The following KIRREL3 variants were observed in gnomAD, a reference collection of about 807,000 sequenced individuals.
The protein encoded by KIRREL3 is kin of IRRE-like protein 3.
KIRREL3 carries 36 observed loss-of-function variants against 89.7 expected under a neutral mutation model. That is an observed-to-expected ratio of 0.40 (90% CI 0.31 to 0.53). The LOEUF is 0.53. Ranked by LOEUF, KIRREL3 falls within the 20% of genes least tolerant of loss-of-function variation. The pLI is 0.49. For missense variants in KIRREL3, 864 were observed against 1,056.6 expected (o/e 0.82, Z 2.53); for synonymous variants, 445 against 441.4 (o/e 1.01, Z -0.10).
intron 11 of KIRREL3, among the ~76,000 whole-genome samples, chr11:126,438,916 C>A (rs1411503687): frequency 6.6e-6 from 1 of 152,122 alleles, no homozygotes; most frequent in Admixed American, 6.5e-5. Context: ...CTGGGCCAGC[C>A]CCACCCTCCC....
At chr11:126,759,999 CA>C (rs1447822457) in intron 1 of KIRREL3, among the ~76,000 whole-genome samples, 1 of 152,232 alleles carries the variant, frequency 6.6e-6, no homozygotes, top group African/African-American at 2.4e-5. Flanking sequence ...ACTCCCTACA[CA>C]GACAGAAAGA....
rs12801491 is a variant in KIRREL3, at chr11:126,476,973, G to A, written c.434-3507C>T. On this transcript the variant is annotated intron_variant, in intron 4 of 16. Coordinates refer to ENST00000525144, the MANE Select transcript of KIRREL3 (RefSeq NM_032531.4). This position sits in a 1 kb window ranked among gnomAD's most constrained non-coding sequence, Gnocchi z 6.4. ...GCGTTAGCCTTTTCGTGATTAATCC[G>A]GAGATAAAAATAGTTGACTGTTTTG... Among the ~76,000 whole-genome samples, 24,042 of 152,206 alleles carry A rather than the reference G, an allele frequency of 0.16. 2,022 individuals carry two copies. Among genetic ancestry groups the A allele is most frequent in the Non-Finnish European group, 0.19 (13,045 of 67,988 alleles).
intron 1 of KIRREL3, among the ~76,000 whole-genome samples, chr11:126,921,194 C>A (rs925710056): frequency 4.6e-5 from 7 of 152,184 alleles, no homozygotes; most frequent in Non-Finnish European, 1.0e-4. Context: ...CTGGGACTCG[C>A]ACCAGGGGCT....
chr11:126,554,479 C>T (rs1162462036), intron 2 of KIRREL3, among the ~76,000 whole-genome samples: 3 of 152,202 alleles, frequency 2.0e-5, no homozygotes, highest in Admixed American at 6.5e-5. Flanking sequence ...ACATCCCTTT[C>T]CTGAGTCTTG....
chr11:126,673,388 G>C (rs915859882), intron 1 of KIRREL3, among the ~76,000 whole-genome samples: 3 of 152,182 alleles, frequency 2.0e-5, no homozygotes, highest in Non-Finnish European at 4.4e-5. Context: ...TTTATGGATA[G>C]ACCTTTAACT....
At chr11:126,857,789 G>GGGCGGC (rs1555062435) in intron 1 of KIRREL3, among the ~76,000 whole-genome samples, 1 of 61,144 alleles carries the variant, frequency 1.6e-5, no homozygotes, top group African/African-American at 6.1e-5. Context: ...CTGTGGGGGT[G>GGGCGGC]GGGTGGGTGA....
At chr11:126,466,177 A>G (rs1468723647) in intron 5 of KIRREL3, among the ~76,000 whole-genome samples, 1 of 152,114 alleles carries the variant, frequency 6.6e-6, no homozygotes, top group African/African-American at 2.4e-5. Flanking sequence ...TTAATGACAT[A>G]TTTACTGGGT....
chr11:126,739,361 G>C lies in KIRREL3; in HGVS notation c.56-176449C>G, dbSNP rs965636680. On this transcript the variant is annotated intron_variant, in intron 1 of 16. Transcript: ENST00000525144. This position sits in a 1 kb window ranked among gnomAD's most constrained non-coding sequence, Gnocchi z 5.5. ...CATAACACCCTTGTGTAGGAGGCTG[G>C]GTAGACATTACTAAATTACTTTCAC... Among the ~76,000 whole-genome samples, 24 of 152,232 alleles carry C rather than the reference G, an allele frequency of 1.6e-4. No individual in the cohort carries two copies. Among genetic ancestry groups the C allele is most frequent in the Non-Finnish European group, 5.9e-5 (4 of 68,042 alleles).
rs149349603 is a variant in KIRREL3, at chr11:126,646,206, C to T, written c.56-83294G>A. ...TTGTACCTTCGAGTCAGCACTGAAT[C>T]GGTCTGGGTTTGTGCTCTAGCATCT... On this transcript the variant is annotated intron_variant, in intron 1 of 16. Transcript: ENST00000525144. 2.7e-3 allele frequency among the ~76,000 whole-genome samples: 410 copies of T among 152,212 alleles called. 2 individuals carry two copies. The highest frequency in any genetic ancestry group is 5.0e-3 in the Non-Finnish European group (337 of 68,024).
At chr11:126,901,030 A>C (rs1007673375) in intron 1 of KIRREL3, among the ~76,000 whole-genome samples, 1 of 152,130 alleles carries the variant, frequency 6.6e-6, no homozygotes, top group Non-Finnish European at 1.5e-5. Flanking sequence ...CCTGACAAAC[A>C]TGGTGAAACT....
Position 126,782,191 on chromosome 11 carries a change from C to G in KIRREL3, c.55+218264G>C, listed in dbSNP as rs2134331284. Among the ~76,000 whole-genome samples the G allele has an allele frequency of 2.0e-5, 3 of 152,274 alleles. No homozygotes were observed. Among genetic ancestry groups the G allele is most frequent in the African/African-American group, 7.2e-5 (3 of 41,562 alleles). ...CCTGTGTGATCTTTCAGCCCCTCTT[C>G]CCTCCCGTCCCTACTCTAGAGGCCA... On this transcript the variant is annotated intron_variant, in intron 1 of 16. Transcript: ENST00000525144. The surrounding 1 kb of genome is among the most constrained non-coding windows in gnomAD (Gnocchi z 4.1).
chr11:126,709,094 A>C lies in KIRREL3; in HGVS notation c.56-146182T>G, dbSNP rs918430034. 1.5e-4 allele frequency among the ~76,000 whole-genome samples: 23 copies of C among 152,184 alleles called. No homozygotes were observed. The highest frequency in any genetic ancestry group is 4.6e-4 in the African/African-American group (19 of 41,452). The stretch of plus-strand genomic sequence containing the variant: ...TCTGATCAACAGAGAAGGAGAGGAG[A>C]GCCTACACTGTGCTGGGTCACTGTG... On this transcript the variant is annotated intron_variant, in intron 1 of 16. Transcript: ENST00000525144. The surrounding 1 kb of genome is among the most constrained non-coding windows in gnomAD (Gnocchi z 4.0).
chr11:126,719,677 T>C lies in KIRREL3; in HGVS notation c.56-156765A>G, dbSNP rs1384761524. Reference sequence around the variant, plus strand: ...GGCAACTTATCCTTCCTTTTGCGACTTCTAAGGCCACAACCTTAGAAGTCA... The same window carrying C: ...GGCAACTTATCCTTCCTTTTGCGACCTCTAAGGCCACAACCTTAGAAGTCA... On this transcript the variant is annotated intron_variant, in intron 1 of 16. Coordinates refer to ENST00000525144, the MANE Select transcript of KIRREL3 (RefSeq NM_032531.4). The surrounding 1 kb of genome is among the most constrained non-coding windows in gnomAD (Gnocchi z 4.7). Among the ~76,000 whole-genome samples, 6 of 152,216 alleles carry C rather than the reference T, an allele frequency of 3.9e-5. No individual in the cohort carries two copies. The highest frequency in any genetic ancestry group is 8.8e-5 in the Non-Finnish European group (6 of 68,040).
intron 1 of KIRREL3, among the ~76,000 whole-genome samples, chr11:126,577,260 T>C (rs1207361574): frequency 6.6e-6 from 1 of 152,112 alleles, no homozygotes; most frequent in African/African-American, 2.4e-5. Flanking sequence ...TGGGTCTGAA[T>C]TCATCAAAAT....
chr11:126,446,645 T>C (rs569658996), intron 9 of KIRREL3, 114 bp downstream of exon 9: 1 of 1,204,246 alleles, frequency 8.3e-7, no homozygotes, highest in South Asian at 1.5e-5. Flanking sequence ...TGGCTTACAC[T>C]GGAGGCTGAC....
intron 1 of KIRREL3, among the ~76,000 whole-genome samples, chr11:126,785,745 G>A (rs1484535053): frequency 1.3e-5 from 2 of 151,900 alleles, no homozygotes; most frequent in Admixed American, 6.6e-5. Flanking sequence ...ATGGTGGTGC[G>A]CACCTGTAGT....
chr11:126,659,918 A>G (rs994258084), intron 1 of KIRREL3, among the ~76,000 whole-genome samples: 5 of 152,198 alleles, frequency 3.3e-5, no homozygotes, highest in African/African-American at 1.2e-4. Flanking sequence ...GAAAACATCT[A>G]AAGAAGGCTG....
chr11:126,571,034 C>T lies in KIRREL3; in HGVS notation c.56-8122G>A, dbSNP rs1940889039. On this transcript the variant is annotated intron_variant, in intron 1 of 16. Transcript: ENST00000525144. The surrounding 1 kb of genome is among the most constrained non-coding windows in gnomAD (Gnocchi z 7.7). ...CACTTTAGAGGAGTGAGGAGTTTGT[C>T]CTGAGTCCCACAGCTGGCAAATGGT... Among the ~76,000 whole-genome samples the T allele has an allele frequency of 6.6e-6, 1 of 152,160 alleles. No homozygotes were observed. Among genetic ancestry groups the T allele is most frequent in the Admixed American group, 6.5e-5 (1 of 15,268 alleles).
In KIRREL3 at chr11:126,601,359, C is replaced by T. The variant is rs7934381; in HGVS notation, c.56-38447G>A. Among the ~76,000 whole-genome samples the T allele has an allele frequency of 0.061, 9,284 of 152,198 alleles. 950 individuals are homozygous for T. Among genetic ancestry groups the T allele is most frequent in the African/African-American group, 0.21 (8,799 of 41,474 alleles). On this transcript the variant is annotated intron_variant, in intron 1 of 16. Transcript: ENST00000525144. This position sits in a 1 kb window ranked among gnomAD's most constrained non-coding sequence, Gnocchi z 5.8. ...GCTCAGCCCTGGGCCTGCTAATGCC[C>T]TGAGGCGATGGGAACACAGCTCTGG... is the stretch of plus-strand genomic sequence containing the variant.
Sources: gnomAD v4.1 joint callset for allele counts (sites outside exome capture counted in the v4.1 genomes callset) on GRCh38, gnomAD v4.1.1 for gene constraint, Gnocchi (gnomAD v3.1) non-coding constraint, MANE v1.5 for transcripts, NCBI Gene and HGNC (gene_info 2026-07-23, HGNC 2026-07-21) for gene names.